The following ST8SIA5 variants were observed in gnomAD, a reference collection of about 807,000 sequenced individuals.
The protein encoded by ST8SIA5 is alpha-2,8-sialyltransferase 8E.
A neutral mutation model predicts 40.2 loss-of-function variants in ST8SIA5; 24 were observed. That is an observed-to-expected ratio of 0.60 (90% CI 0.43 to 0.84). The LOEUF (loss-of-function observed/expected upper bound fraction) is 0.84. ST8SIA5 is among the 40% of genes least tolerant of loss of function. The probability of loss-of-function intolerance (pLI) is 0.00; values close to 1 mark genes in which losing one functional copy is unlikely to be tolerated. For missense variants in ST8SIA5, 465 were observed against 498.5 expected (o/e 0.93, Z 0.64); for synonymous variants, 198 against 201.8 (o/e 0.98, Z 0.16).
intron 2 of ST8SIA5, among the ~76,000 whole-genome samples, chr18:46,701,971 C>A (rs377056891): frequency 6.6e-6 from 1 of 152,010 alleles, no homozygotes; most frequent in African/African-American, 2.4e-5. Context: ...GATGATGAAA[C>A]CCCCGTATCT....
Position 46,668,146 on chromosome 18 carries a change from A to G in ST8SIA5, c.*11896T>C, listed in dbSNP as rs1187415691. The G allele has an allele frequency of 6.6e-6, 1 of 152,214 alleles. No homozygotes were observed. The highest frequency in any genetic ancestry group is 1.9e-4 in the East Asian group (1 of 5,194). The allele number at this position is 152,214 out of a possible 1,614,324, so 9.4% of individuals were successfully genotyped here. On this transcript the variant is annotated 3_prime_UTR_variant, in exon 7 of 7. Coordinates refer to ENST00000315087, the MANE Select transcript of ST8SIA5 (RefSeq NM_013305.6). The stretch of plus-strand genomic sequence containing the variant: ...AGCAAGCAAGGGGCTTTTCATATAG[A>G]TGGTGTTTCTCCACATCCCAGCAAA...
chr18:46,727,890 T>C (rs1027113398), intron 1 of ST8SIA5, among the ~76,000 whole-genome samples: 25 of 152,190 alleles, frequency 1.6e-4, no homozygotes, highest in Non-Finnish European at 2.8e-4. Context: ...GTGGACTGTT[T>C]AATGACGAAG....
chr18:46,694,618 G>A (rs955631788), intron 2 of ST8SIA5, among the ~76,000 whole-genome samples: 1 of 152,128 alleles, frequency 6.6e-6, no homozygotes, highest in African/African-American at 2.4e-5. Flanking sequence ...AAGCTGTCCT[G>A]TTTGATCATA....
intron 1 of ST8SIA5, among the ~76,000 whole-genome samples, chr18:46,733,046 G>C (rs944791435): frequency 6.6e-6 from 1 of 152,158 alleles, no homozygotes; most frequent in Non-Finnish European, 1.5e-5. Context: ...CCTCCAGAAA[G>C]CAGTGAGCAG....
chr18:46,746,023 A>G (rs985967283), intron 1 of ST8SIA5, among the ~76,000 whole-genome samples: 1 of 152,244 alleles, frequency 6.6e-6, no homozygotes, highest in Non-Finnish European at 1.5e-5. Context: ...ACAGCTCTTC[A>G]TGCTAAAAAC....
At chr18:46,744,261 T>C (rs144076488) in intron 1 of ST8SIA5, among the ~76,000 whole-genome samples, 6,957 of 152,202 alleles carry the variant, frequency 0.046, 199 homozygotes, top group Middle Eastern at 0.11. Flanking sequence ...TTAAAAGATA[T>C]AGACTGGCAA....
In ST8SIA5 at chr18:46,676,348, C is replaced by T. The variant is rs920498556; in HGVS notation, c.*3694G>A. 6.6e-6 allele frequency: 1 copy of T among 152,206 alleles called. No individual in the cohort carries two copies. The highest frequency in any genetic ancestry group is 1.5e-5 in the Non-Finnish European group (1 of 68,062). The allele number at this position is 152,206 out of a possible 1,614,324, so 9.4% of individuals were successfully genotyped here. ...ACCACAAACTCCCGGAGGGCAGGGA[C>T]GACGTTTTGTTCATCACTAGCTCCC... On this transcript the variant is annotated 3_prime_UTR_variant, in exon 7 of 7. Transcript: ENST00000315087.
chr18:46,745,000 ATGTTCTT>A (rs2040125305), intron 1 of ST8SIA5, among the ~76,000 whole-genome samples: 1 of 152,236 alleles, frequency 6.6e-6, no homozygotes, highest in East Asian at 1.9e-4. Flanking sequence ...AGAAATAAAG[ATGTTCTT>A]TGAAACCAAT....
chr18:46,742,140 A>G (rs990785810), intron 1 of ST8SIA5, among the ~76,000 whole-genome samples: 8 of 151,944 alleles, frequency 5.3e-5, no homozygotes, highest in South Asian at 4.1e-4. Flanking sequence ...TCAAAATAAG[A>G]AAAAACAAAA....
chr18:46,725,546 G>C (rs1359806903), intron 1 of ST8SIA5, among the ~76,000 whole-genome samples: 1 of 151,980 alleles, frequency 6.6e-6, no homozygotes, highest in Non-Finnish European at 1.5e-5. Context: ...CGGGTGGGGG[G>C]GGAACAAGTT....
At chr18:46,728,223 TA>T in intron 1 of ST8SIA5, among the ~76,000 whole-genome samples, 1 of 151,820 alleles carries the variant, frequency 6.6e-6, no homozygotes. Flanking sequence ...TAGAGTATTA[TA>T]AAATGAAGAG....
At chr18:46,706,381 G>C (rs899135348) in intron 1 of ST8SIA5, among the ~76,000 whole-genome samples, 1 of 152,096 alleles carries the variant, frequency 6.6e-6, no homozygotes, top group Non-Finnish European at 1.5e-5. Context: ...TACCCGGCTC[G>C]AGTAACCACA....
At chr18:46,752,374 C>T (rs1204034252) in intron 1 of ST8SIA5, among the ~76,000 whole-genome samples, 1 of 152,168 alleles carries the variant, frequency 6.6e-6, no homozygotes, top group Non-Finnish European at 1.5e-5. Flanking sequence ...ATCCCTAGCA[C>T]TTAAAGAGTA....
Position 46,680,162 on chromosome 18 carries a change from G to A in ST8SIA5, c.1011C>T (p.Tyr337=), listed in dbSNP as rs760495441. Residue 337 remains tyrosine, a synonymous_variant, in exon 7 of 7, where the codon TAC becomes TAT. Coordinates refer to ENST00000315087, the MANE Select transcript of ST8SIA5 (RefSeq NM_013305.6). ...NPSGLYITHH[Y]YDNVKPRPGF... ...CGGGACGCGGCTTGACGTTGTCATA[G>A]TAGTGGTGAGTGATGTAGAGGCCCG... The A allele has an allele frequency of 6.2e-7, 1 of 1,614,244 alleles. No individual in the cohort carries two copies. The highest frequency in any genetic ancestry group is 8.5e-7 in the Non-Finnish European group (1 of 1,180,038).
At chr18:46,680,686 T>C (rs543055584) in intron 6 of ST8SIA5, among the ~76,000 whole-genome samples, 176 bp from the exon 7 acceptor site, 4 of 152,178 alleles carry the variant, frequency 2.6e-5, no homozygotes, top group South Asian at 4.1e-4. Flanking sequence ...TCAGGGGCAG[T>C]TGAGTTTTTT....
rs1247982680 is a variant in ST8SIA5 at position 46,679,825 on chromosome 18, G to A, written c.*217C>T. Reference sequence around the variant, plus strand: ...GGTGGACGCACTGGGCGGATGCACCGGTGGGGGCCAGGCCAGGAGGCTCAG... The same window carrying A: ...GGTGGACGCACTGGGCGGATGCACCAGTGGGGGCCAGGCCAGGAGGCTCAG... On this transcript the variant is annotated 3_prime_UTR_variant, in exon 7 of 7. Coordinates refer to ENST00000315087, the MANE Select transcript of ST8SIA5 (RefSeq NM_013305.6). 8.5e-6 allele frequency: 5 copies of A among 588,312 alleles called. No homozygotes were observed. Among genetic ancestry groups the A allele is most frequent in the African/African-American group, 5.6e-5 (3 of 53,678 alleles). The allele number at this position is 588,312 out of a possible 1,614,324, so 36.4% of individuals were successfully genotyped here.
At chr18:46,688,750 A>T in intron 4 of ST8SIA5, 25 bp downstream of exon 4, 1 of 1,599,906 alleles carries the variant, frequency 6.3e-7, no homozygotes, top group Non-Finnish European at 8.5e-7. Context: ...CGCCCCACCC[A>T]GACCGCCCCC....
chr18:46,699,480 C>T (rs757565695), intron 2 of ST8SIA5, among the ~76,000 whole-genome samples: 8 of 151,826 alleles, frequency 5.3e-5, no homozygotes, highest in Non-Finnish European at 8.8e-5. Context: ...GCTGGGTTCA[C>T]GCCATTCTCC....
chr18:46,703,532 C>T (rs1205605205), intron 2 of ST8SIA5, among the ~76,000 whole-genome samples: 1 of 152,070 alleles, frequency 6.6e-6, no homozygotes, highest in African/African-American at 2.4e-5. Context: ...TATGCCAAGG[C>T]CCAGAGTCAG....
Sources: allele counts gnomAD v4.1 joint callset (sites outside exome capture counted in the v4.1 genomes callset), GRCh38; gene constraint gnomAD v4.1.1; transcripts MANE v1.5; gene names NCBI Gene and HGNC (gene_info 2026-07-23, HGNC 2026-07-21).